CSNK2A1: variants seen among roughly 807,000 people sequenced by gnomAD.
CSNK2A1 encodes casein kinase II subunit alpha.
Under a neutral mutation model 62.9 loss-of-function variants are expected in CSNK2A1, and 10 were observed. That is an observed-to-expected ratio of 0.16 (90% CI 0.10 to 0.27). The LOEUF (loss-of-function observed/expected upper bound fraction) is 0.27. CSNK2A1 is among the 10% of genes least tolerant of loss of function. The pLI, the probability that CSNK2A1 is intolerant of heterozygous loss-of-function variation, is 1.00. For missense variants in CSNK2A1, 160 were observed against 492.0 expected (o/e 0.33, Z 6.38); for synonymous variants, 124 against 167.8 (o/e 0.74, Z 2.02).
rs185825905 is a variant in CSNK2A1, at chr20:523,869, A to C, written c.-110+4064T>G. 6.1e-3 allele frequency among the ~76,000 whole-genome samples: 919 copies of C among 150,776 alleles called. 2 individuals carry two copies. Among genetic ancestry groups the C allele is most frequent in the Non-Finnish European group, 9.0e-3 (607 of 67,610 alleles). ...GCAAGACTCCATCTCAAAAAAAAAA[A>C]AAAAAAAAAAAACTGTAGTAACTCA... On this transcript the variant is annotated intron_variant, in intron 2 of 13. Transcript: ENST00000217244.
intron 2 of CSNK2A1, among the ~76,000 whole-genome samples, chr20:517,760 T>TA (rs2018857323): frequency 6.6e-6 from 1 of 152,186 alleles, no homozygotes; most frequent in African/African-American, 2.4e-5. Context: ...CACATTTTGT[T>TA]ATCTTCTATA....
At chr20:503,331 A>AT in intron 4 of CSNK2A1, 1 of 396,414 alleles carries the variant, frequency 2.5e-6, no homozygotes, top group East Asian at 3.6e-5. Flanking sequence ...TAATAGATGG[A>AT]TAAACATGTC....
chr20:535,981 C>T (rs538008184), intron 1 of CSNK2A1, among the ~76,000 whole-genome samples: 3 of 152,242 alleles, frequency 2.0e-5, no homozygotes, highest in East Asian at 3.9e-4. Flanking sequence ...GACCTCTGAT[C>T]TATATTTACA....
In CSNK2A1 at chr20:488,675, T is replaced by C; in HGVS notation, c.824+3A>G. ...GATGCACATATTTTGTTTCATGACTTACCTGCCCAAGATATCATTGAAACG... is the reference window on the plus strand; with the variant it reads ...GATGCACATATTTTGTTTCATGACTCACCTGCCCAAGATATCATTGAAACG... On this transcript the variant is annotated splice_donor_region_variant and intron_variant, in intron 11 of 13. Transcript: ENST00000217244. 6.2e-7 allele frequency: 1 copy of C among 1,613,380 alleles called. No homozygotes were observed. The highest frequency in any genetic ancestry group is 8.5e-7 in the Non-Finnish European group (1 of 1,179,658).
At chr20:508,367 G>A (rs2018648732) in intron 3 of CSNK2A1, 84 bp downstream of exon 3, 1 of 1,460,138 alleles carries the variant, frequency 6.8e-7, no homozygotes, top group Admixed American at 1.9e-5. Flanking sequence ...CAGAGTCACG[G>A]AGGTTTTCTG....
intron 1 of CSNK2A1, among the ~76,000 whole-genome samples, chr20:528,388 A>G (rs976914679): frequency 3.3e-5 from 5 of 152,188 alleles, no homozygotes; most frequent in African/African-American, 9.7e-5. Flanking sequence ...TTGCCTTTCA[A>G]TTCTGAAGAT....
Position 505,214 on chromosome 20 carries a change from G to A in CSNK2A1, c.117C>T (p.Tyr39=), listed in dbSNP as rs749626453. 2 of 1,613,454 alleles carry A rather than the reference G, an allele frequency of 1.2e-6. No individual in the cohort carries two copies. ...CTCGGCCTAATTTTCGAACCAGCTG[G>A]TAGTCATCTTGATTTCTGTGGACAC... The part of the protein sequence containing the change: ...HVVEWGNQDD[Y]QLVRKLGRGK... Residue 39 remains tyrosine, a synonymous_variant, in exon 4 of 14, where the codon TAC becomes TAT. Transcript: ENST00000217244.
chr20:536,577 CA>C (rs1443257289), intron 1 of CSNK2A1, among the ~76,000 whole-genome samples: 1 of 152,154 alleles, frequency 6.6e-6, no homozygotes, highest in Non-Finnish European at 1.5e-5. Context: ...TAAACTTCCC[CA>C]AACTCAAAGT....
At chr20:523,878 A>C (rs1331568611) in intron 2 of CSNK2A1, among the ~76,000 whole-genome samples, 2 of 150,036 alleles carry the variant, frequency 1.3e-5, no homozygotes, top group Non-Finnish European at 3.0e-5. Context: ...AAAAAAAAAA[A>C]AAACTGTAGT....
intron 4 of CSNK2A1, chr20:503,613 G>A (rs1312361680): frequency 1.5e-5 from 6 of 398,444 alleles, no homozygotes; most frequent in Non-Finnish European, 2.2e-5. Flanking sequence ...TACACTCCTC[G>A]TGATGGATTG....
At chr20:492,394 A>G (rs776269968) in intron 8 of CSNK2A1, 30 bp from the exon 9 acceptor site, 3 of 1,608,852 alleles carry the variant, frequency 1.9e-6, no homozygotes, top group Non-Finnish European at 2.6e-6. Flanking sequence ...GAGCAATCTT[A>G]TCTTTCTCTA....
intron 13 of CSNK2A1, among the ~76,000 whole-genome samples, chr20:484,556 A>G (rs1372406295): frequency 7.9e-5 from 12 of 152,232 alleles, no homozygotes; most frequent in Non-Finnish European, 1.8e-4. Flanking sequence ...ATGTGCTCTT[A>G]CACCATGCTG....
At chr20:531,141 A>T (rs1443335735) in intron 1 of CSNK2A1, among the ~76,000 whole-genome samples, 1 of 152,216 alleles carries the variant, frequency 6.6e-6, no homozygotes, top group Non-Finnish European at 1.5e-5. Context: ...TTCACAATTA[A>T]TATTTTTCAA....
In CSNK2A1 at chr20:508,561, G is replaced by A. The variant is rs760641080; in HGVS notation, c.-10C>T. ...GCACGGGTCCCGACATGTCAGACAG[G>A]TTGGCGGACAAAGCTGGACTTGATG... On this transcript the variant is annotated 5_prime_UTR_variant, in exon 3 of 14. Coordinates refer to ENST00000217244, the MANE Select transcript of CSNK2A1 (RefSeq NM_177559.3). 17 of 1,608,734 alleles carry A rather than the reference G, an allele frequency of 1.1e-5. No individual in the cohort carries two copies. The Admixed American group carries it at 1.8e-4, about 17-fold the overall frequency.
intron 13 of CSNK2A1, among the ~76,000 whole-genome samples, chr20:484,950 C>T: frequency 6.7e-6 from 1 of 148,346 alleles, no homozygotes; most frequent in East Asian, 2.0e-4. Context: ...GCCTGTAGTC[C>T]CAGCTACCTG....
chr20:483,016 C>A lies in CSNK2A1; in HGVS notation c.*945G>T, dbSNP rs1203863104. 1 of 152,328 alleles carries A rather than the reference C, an allele frequency of 6.6e-6. No homozygotes were observed. The highest frequency in any genetic ancestry group is 1.5e-5 in the Non-Finnish European group (1 of 68,044). The allele number at this position is 152,328 out of a possible 1,614,324, so 9.4% of individuals were successfully genotyped here. A position where few individuals can be genotyped will look rare whatever the true frequency, so the allele number is the denominator to read the frequency against. On this transcript the variant is annotated 3_prime_UTR_variant, in exon 14 of 14. Transcript: ENST00000217244. The stretch of plus-strand genomic sequence containing the variant: ...TCAGTGTGGCCACATCTCCCATTAG[C>A]TCTAGCATGAAACCTGTACAGACAA...
At chr20:497,628 C>A in intron 7 of CSNK2A1, 93 bp downstream of exon 7, 2 of 1,093,426 alleles carry the variant, frequency 1.8e-6, no homozygotes, top group South Asian at 2.6e-5. Flanking sequence ...ACATACTTTA[C>A]AAAGTTAATC....
intron 13 of CSNK2A1, 34 bp from the exon 14 acceptor site, chr20:484,110 A>T: frequency 6.7e-7 from 1 of 1,495,358 alleles, no homozygotes; most frequent in Non-Finnish European, 9.0e-7. Flanking sequence ...AGCCAAAGAC[A>T]CCAACCATGG....
intron 9 of CSNK2A1, 125 bp from the exon 10 acceptor site, chr20:490,006 C>A: frequency 1.5e-6 from 1 of 667,462 alleles, no homozygotes; most frequent in Non-Finnish European, 2.3e-6. Flanking sequence ...ACACTAATAA[C>A]ATCTTCATAT....
Sources: gnomAD v4.1 joint callset for allele counts (sites outside exome capture counted in the v4.1 genomes callset) on GRCh38, gnomAD v4.1.1 for gene constraint, MANE v1.5 for transcripts, NCBI Gene and HGNC (gene_info 2026-07-23, HGNC 2026-07-21) for gene names.